Variants in C10orf90 observed in about 807,000 individuals in gnomAD.
C10orf90 encodes chromosome 10 open reading frame 90.
In C10orf90, 56 loss-of-function variants were observed where a neutral mutation model predicts 62.5. The observed-to-expected ratio is 0.90, with a 90% CI of 0.72 to 1.12. C10orf90 has a LOEUF of 1.12. C10orf90 is among the 50% of genes most tolerant of loss of function. The pLI, the probability that C10orf90 is intolerant of heterozygous loss-of-function variation, is 0.00. For synonymous variants in C10orf90, 386 were observed against 340.4 expected (o/e 1.13, Z -1.47); for missense variants, 970 against 880.4 (o/e 1.10, Z -1.29).
intron 2 of C10orf90, among the ~76,000 whole-genome samples, chr10:126,542,031 C>A (rs1183864075): frequency 6.6e-6 from 1 of 152,124 alleles, no homozygotes; most frequent in Admixed American, 6.5e-5. Context: ...ATGGGTGAAC[C>A]TTGAAAACAT....
intron 4 of C10orf90, among the ~76,000 whole-genome samples, chr10:126,477,066 C>T (rs1482716786): frequency 2.2e-5 from 3 of 135,694 alleles, no homozygotes; most frequent in South Asian, 2.4e-4. Context: ...CCCAACATCA[C>T]GCCTGGCTAA....
At chr10:126,585,001 T>C (rs1053077152) in intron 2 of C10orf90, among the ~76,000 whole-genome samples, 2 of 151,864 alleles carry the variant, frequency 1.3e-5, no homozygotes, top group African/African-American at 4.8e-5. Context: ...CTGCAGAGTC[T>C]AAGCAGGAGA....
intron 7 of C10orf90, among the ~76,000 whole-genome samples, chr10:126,430,168 C>T (rs758805267): frequency 5.3e-5 from 8 of 152,214 alleles, no homozygotes; most frequent in Admixed American, 2.0e-4. Context: ...TGCCAGAGTG[C>T]AAGCTCATTC....
At chr10:126,442,190 TTAAAC>T (rs1328516388) in intron 7 of C10orf90, among the ~76,000 whole-genome samples, 1 of 151,376 alleles carries the variant, frequency 6.6e-6, no homozygotes, top group African/African-American at 2.4e-5. Flanking sequence ...TCACATAAAC[TTAAAC>T]TAAAGAGGTA....
intron 2 of C10orf90, among the ~76,000 whole-genome samples, chr10:126,606,430 A>G (rs2134049200): frequency 6.6e-6 from 1 of 152,322 alleles, no homozygotes; most frequent in East Asian, 1.9e-4. Flanking sequence ...ATCCATGAAC[A>G]TCTGATTTAT....
At chr10:126,521,395 G>T in intron 2 of C10orf90, 1 of 1,604,630 alleles carries the variant, frequency 6.2e-7, no homozygotes, top group South Asian at 1.1e-5. Context: ...TTGGCGACAT[G>T]AAAGAAAAAA....
chr10:126,481,635 A>T (rs1218029987), intron 4 of C10orf90, among the ~76,000 whole-genome samples: 1 of 152,186 alleles, frequency 6.6e-6, no homozygotes, highest in East Asian at 1.9e-4. Flanking sequence ...TAGCTGGGCC[A>T]CCATGTTGGC....
At chr10:126,531,453 C>A (rs912156444) in intron 2 of C10orf90, among the ~76,000 whole-genome samples, 3 of 152,122 alleles carry the variant, frequency 2.0e-5, no homozygotes, top group African/African-American at 7.2e-5. Flanking sequence ...GGATGAGAAA[C>A]CCTGACATAG....
intron 4 of C10orf90, chr10:126,470,083 T>C (rs764804264): frequency 4.4e-6 from 2 of 453,580 alleles, no homozygotes; most frequent in African/African-American, 2.0e-5. Context: ...GCATGTTGCA[T>C]ACTGCAGGGG....
chr10:126,462,431 A>G (rs1236877349), intron 5 of C10orf90, among the ~76,000 whole-genome samples: 4 of 151,860 alleles, frequency 2.6e-5, no homozygotes, highest in African/African-American at 9.7e-5. Context: ...GTGGACTCCC[A>G]CCCTCCAGGC....
chr10:126,666,717 A>G (rs1423504389), intron 1 of C10orf90, among the ~76,000 whole-genome samples: 1 of 151,916 alleles, frequency 6.6e-6, no homozygotes, highest in East Asian at 2.0e-4. Context: ...GGTGGCTCAC[A>G]CCTGTAATCC....
In C10orf90 at chr10:126,519,052, C is replaced by T. The variant is rs12776882; in HGVS notation, c.314-5113G>A. Among the ~76,000 whole-genome samples, 632 of 152,252 alleles carry T rather than the reference C, an allele frequency of 4.2e-3. 3 individuals are homozygous for T. Among genetic ancestry groups the T allele is most frequent in the Middle Eastern group, 0.014 (4 of 294 alleles). ...GAGAAAGTCACGGCTTTGCTATCCC[C>T]AGCCTTGATAAGCCACGGACAGAGC... On this transcript the variant is annotated intron_variant, in intron 2 of 9. Transcript: ENST00000488181.
At chr10:126,558,212 C>T (rs1300282038) in intron 2 of C10orf90, among the ~76,000 whole-genome samples, 1 of 152,184 alleles carries the variant, frequency 6.6e-6, no homozygotes, top group Non-Finnish European at 1.5e-5. Flanking sequence ...TATTACTTTG[C>T]CAGTTTCATT....
At chr10:126,661,670 C>CTT (rs56106518) in intron 1 of C10orf90, among the ~76,000 whole-genome samples, 2 of 144,746 alleles carry the variant, frequency 1.4e-5, no homozygotes, top group Admixed American at 1.4e-4. Flanking sequence ...CTCTCTCTCT[C>CTT]TTTTTTTTTT....
chr10:126,570,737 A>G (rs951149534), intron 2 of C10orf90, among the ~76,000 whole-genome samples: 1 of 152,122 alleles, frequency 6.6e-6, no homozygotes, highest in African/African-American at 2.4e-5. Flanking sequence ...CAAATCCCAT[A>G]TTACTATTCC....
chr10:126,625,163 T>G (rs1054117350), intron 2 of C10orf90, among the ~76,000 whole-genome samples: 1 of 152,132 alleles, frequency 6.6e-6, no homozygotes. Flanking sequence ...GACACTCACG[T>G]GCCATTTCCC....
At chr10:126,519,381 C>G (rs1393980794) in intron 2 of C10orf90, among the ~76,000 whole-genome samples, 1 of 152,312 alleles carries the variant, frequency 6.6e-6, no homozygotes, top group African/African-American at 2.4e-5. Context: ...AAGTAGCAGA[C>G]AAGCACCATC....
At chr10:126,565,935 C>G (rs1307189821) in intron 2 of C10orf90, among the ~76,000 whole-genome samples, 1 of 152,206 alleles carries the variant, frequency 6.6e-6, no homozygotes, top group Non-Finnish European at 1.5e-5. Flanking sequence ...CCAAATAGCG[C>G]TCCTCCACGT....
At chr10:126,492,243 C>T (rs2133842149) in intron 4 of C10orf90, among the ~76,000 whole-genome samples, 1 of 152,168 alleles carries the variant, frequency 6.6e-6, no homozygotes, top group Admixed American at 6.5e-5. Flanking sequence ...TGGTTGTGTG[C>T]TAGGGGGAGA....
Sources: allele counts gnomAD v4.1 joint callset (sites outside exome capture counted in the v4.1 genomes callset), GRCh38; gene constraint gnomAD v4.1.1; transcripts MANE v1.5; gene names NCBI Gene and HGNC (gene_info 2026-07-23, HGNC 2026-07-21).